USP26: variants seen among roughly 807,000 people sequenced by gnomAD.
The protein encoded by USP26 is ubiquitin specific peptidase 26.
For synonymous variants in USP26, 236 were observed against 240.6 expected, an observed-to-expected ratio of 0.98 and a Z score of 0.18; for missense variants, 649 against 642.3, an observed-to-expected ratio of 1.01 and a Z score of -0.11.
rs1275133984 is a variant in USP26, at chrX:133,027,308, A to T, written c.913T>A (p.Tyr305Asn). The part of the protein sequence containing the change: ...HGLPNLGNTC[Y>N]MNAVLQSLLS... ...AGAGACTGTAACACTGCATTCATAT[A>T]ACAGGTGTTTCCCAAATTGGGGAGG... The change falls in exon 6 of 6, where the codon TAT becomes AAT. Residue 305 changes from tyrosine to asparagine, a missense_variant. Tyr to Asn is a moderately radical substitution (Grantham distance 143). Coordinates refer to ENST00000511190, the MANE Select transcript of USP26 (RefSeq NM_031907.3). 1 of 1,209,501 alleles carries T rather than the reference A, an allele frequency of 8.3e-7. No individual in the cohort carries two copies. The highest frequency in any genetic ancestry group is 3.0e-5 in the East Asian group (1 of 33,761).
intron 5 of USP26, among the ~76,000 whole-genome samples, chrX:133,068,377 C>G (rs933264159): frequency 1.8e-5 from 2 of 111,685 alleles, no homozygotes; most frequent in African/African-American, 6.5e-5. Context: ...ATGTAACAAA[C>G]CTGCACATAT....
intron 5 of USP26, among the ~76,000 whole-genome samples, chrX:133,068,572 A>G (rs1340102100): frequency 8.9e-6 from 1 of 112,723 alleles, no homozygotes; most frequent in African/African-American, 3.2e-5. Flanking sequence ...ATCCCAAGAC[A>G]GTTTAAGTAA....
chrX:133,069,120 T>C (rs954414924), intron 5 of USP26, among the ~76,000 whole-genome samples: 1 of 111,697 alleles, frequency 9.0e-6, no homozygotes, highest in Admixed American at 9.6e-5. Flanking sequence ...AAATCAGTTG[T>C]AGCACAGTTC....
At chrX:133,034,921 C>T (rs996971632) in intron 5 of USP26, among the ~76,000 whole-genome samples, 4 of 111,562 alleles carry the variant, frequency 3.6e-5, no homozygotes, top group African/African-American at 1.3e-4. Context: ...GGCATTTCCC[C>T]GATTCCCATG....
chrX:133,059,918 G>T (rs1435671990), intron 5 of USP26, among the ~76,000 whole-genome samples: 3 of 112,112 alleles, frequency 2.7e-5, no homozygotes, highest in Non-Finnish European at 5.6e-5. Context: ...GGAGGTATAA[G>T]AGTGCTAATA....
Position 133,026,290 on chromosome X carries a change from C to T in USP26, c.1931G>A (p.Gly644Glu). 6 of 1,208,295 alleles carry T rather than the reference C, an allele frequency of 5.0e-6. No homozygotes were observed. Among genetic ancestry groups the T allele is most frequent in the Non-Finnish European group, 6.7e-6 (6 of 894,856 alleles). Residue 644 changes from glycine to glutamate, a missense_variant, in exon 6 of 6, where the codon GGA (glycine) becomes GAA (glutamate). Transcript: ENST00000511190. The stretch of plus-strand genomic sequence containing the variant: ...TTCTTTTTCAATGAATGCTCGATCT[C>T]CTGAGTATACAGATTCTAGCTCATT... Reference protein sequence around the residue: ...KPNELESVYSGDRAFIEKEPL... With the variant: ...KPNELESVYSEDRAFIEKEPL...
At chrX:133,057,866 ATTTTTTTTTTT>A (rs59814007) in intron 5 of USP26, among the ~76,000 whole-genome samples, 2 of 9,329 alleles carry the variant, frequency 2.1e-4, no homozygotes, top group Admixed American at 3.2e-3. Context: ...ATATATATAT[ATTTTTTTTTTT>A]TTTTTTTTTT....
Position 133,024,168 on chromosome X carries a change from G to A in USP26, c.*1311C>T, listed in dbSNP as rs2067335769. On this transcript the variant is annotated 3_prime_UTR_variant, in exon 6 of 6. Transcript: ENST00000511190. ...ATCTTCATATGGAGTTTCTGATGTT[G>A]TGTCAAATAAGTAACAAGTAATACT... is the stretch of plus-strand genomic sequence containing the variant. 9.0e-6 allele frequency among the ~76,000 whole-genome samples: 1 copy of A among 110,606 alleles called. No homozygotes were observed. Among genetic ancestry groups the A allele is most frequent in the African/African-American group, 3.3e-5 (1 of 30,355 alleles).
rs1171457690 is a variant in USP26, at chrX:133,028,232, A to G, written c.-12T>C. 1.2e-5 allele frequency: 14 copies of G among 1,208,349 alleles called. No homozygotes were observed. The Admixed American group carries it at 3.1e-4, about 26-fold the overall frequency. Reference sequence around the variant, plus strand: ...AATAGGGCAGCCATGTTTTCTTTACAAATAAAATATACGTATCTCCGATTA... The same window carrying G: ...AATAGGGCAGCCATGTTTTCTTTACGAATAAAATATACGTATCTCCGATTA... On this transcript the variant is annotated 5_prime_UTR_variant, in exon 6 of 6. Transcript: ENST00000511190.
intron 5 of USP26, among the ~76,000 whole-genome samples, chrX:133,078,230 C>T (rs1294812625): frequency 9.0e-6 from 1 of 111,594 alleles, no homozygotes; most frequent in Non-Finnish European, 1.9e-5. Flanking sequence ...GATGCTAGTG[C>T]CATGCCTCTA....
intron 5 of USP26, among the ~76,000 whole-genome samples, chrX:133,077,742 G>T (rs893482406): frequency 8.9e-6 from 1 of 111,759 alleles, no homozygotes; most frequent in Non-Finnish European, 1.9e-5. Context: ...GGTCCTTGCA[G>T]TAATAAATGA....
chrX:133,051,525 G>A (rs1205158510), intron 5 of USP26, among the ~76,000 whole-genome samples: 2 of 111,901 alleles, frequency 1.8e-5, no homozygotes, highest in Non-Finnish European at 3.8e-5. Context: ...CAGGACCACC[G>A]GATATGGAAT....
At chrX:133,089,803 C>T (rs1487490350) in intron 4 of USP26, among the ~76,000 whole-genome samples, 1 of 111,551 alleles carries the variant, frequency 9.0e-6, no homozygotes. Context: ...AAACTGAGGC[C>T]CAAAGAGTTA....
intron 5 of USP26, among the ~76,000 whole-genome samples, chrX:133,073,354 A>C (rs2148534916): frequency 9.1e-6 from 1 of 109,594 alleles, no homozygotes; most frequent in Non-Finnish European, 1.9e-5. Flanking sequence ...AAAAAAAAAA[A>C]AAACCACTTT....
chrX:133,062,058 G>A (rs961862911), intron 5 of USP26, among the ~76,000 whole-genome samples: 13 of 111,922 alleles, frequency 1.2e-4, no homozygotes, highest in African/African-American at 3.9e-4. Flanking sequence ...GTCGACCTGA[G>A]ACAATCGAGC....
At chrX:133,053,685 C>T (rs748653823) in intron 5 of USP26, among the ~76,000 whole-genome samples, 1 of 111,458 alleles carries the variant, frequency 9.0e-6, no homozygotes, top group African/African-American at 3.3e-5. Flanking sequence ...CTTTTCTAGA[C>T]GTAAGTAAAT....
intron 5 of USP26, among the ~76,000 whole-genome samples, chrX:133,055,787 G>A (rs1460866498): frequency 9.0e-6 from 1 of 111,618 alleles, no homozygotes; most frequent in Non-Finnish European, 1.9e-5. Flanking sequence ...TTGTCTTCTT[G>A]TGGCCTTTTC....
chrX:133,073,471 T>C (rs775192307), intron 5 of USP26, among the ~76,000 whole-genome samples: 1 of 111,101 alleles, frequency 9.0e-6, no homozygotes, highest in African/African-American at 3.3e-5. Context: ...CTATACCTTA[T>C]AGAAACACTT....
At position 133,027,928 on chromosome X, in the gene USP26, A is replaced by G. The variant is rs1366375348; in HGVS notation, c.293T>C (p.Leu98Ser). The G allele has an allele frequency of 1.7e-6, 2 of 1,209,862 alleles. No individual in the cohort carries two copies. Among genetic ancestry groups the G allele is most frequent in the Non-Finnish European group, 2.2e-6 (2 of 895,016 alleles). ...AACCTCGTTTTGATGAACTCTGTCC[A>G]AGAATATCTTCAATTGTTCAGCATC... ...STDAEQLKIF[L>S]DRVHQNEVQP... Residue 98 changes from leucine (L) to serine (S), a missense_variant, in exon 6 of 6, where the codon TTG (leucine) becomes TCG (serine). Leu to Ser is a moderately radical substitution (Grantham distance 145). Coordinates refer to ENST00000511190, the MANE Select transcript of USP26 (RefSeq NM_031907.3).
Sources: gnomAD v4.1 joint callset for allele counts (sites outside exome capture counted in the v4.1 genomes callset) on GRCh38, gnomAD v4.1.1 for gene constraint, MANE v1.5 for transcripts, NCBI Gene and HGNC (gene_info 2026-07-23, HGNC 2026-07-21) for gene names.